The following FAM47E variants were observed in gnomAD, a reference collection of about 807,000 sequenced individuals.
The protein encoded by FAM47E is protein FAM47E.
Under a neutral mutation model 41.6 loss-of-function variants are expected in FAM47E, and 32 were observed. That is an observed-to-expected ratio of 0.77 (90% confidence interval 0.58 to 1.03). The LOEUF (loss-of-function observed/expected upper bound fraction) is 1.03, where lower values mean the gene tolerates loss of function less well. FAM47E is among the 50% of genes least tolerant of loss of function. FAM47E has a pLI of 0.00. For synonymous variants in FAM47E, 184 were observed against 188.7 expected (o/e 0.98, Z 0.20); for missense variants, 424 against 485.4 (o/e 0.87, Z 1.19).
intron 2 of FAM47E, among the ~76,000 whole-genome samples, chr4:76,259,523 T>G (rs561562476): frequency 6.6e-6 from 1 of 152,316 alleles, no homozygotes; most frequent in South Asian, 2.1e-4. Context: ...TCTTTATATA[T>G]TAATGACTGG....
chr4:76,262,756 A>G (rs986528796), intron 2 of FAM47E, among the ~76,000 whole-genome samples: 3 of 152,016 alleles, frequency 2.0e-5, no homozygotes, highest in Admixed American at 2.0e-4. Context: ...GTGTCCCATC[A>G]TGATTGTTTT....
At chr4:76,267,475 A>G (rs1734690156) in intron 3 of FAM47E, 1 of 152,294 alleles carries the variant, frequency 6.6e-6, no homozygotes, top group Non-Finnish European at 1.5e-5. Context: ...GTGGGTCCCA[A>G]AGAACCTGGA....
Position 76,278,142 on chromosome 4 carries a change from A to G in FAM47E, c.944A>G (p.Gln315Arg). 4 of 1,550,984 alleles carry G rather than the reference A, an allele frequency of 2.6e-6. No homozygotes were observed. The highest frequency in any genetic ancestry group is 3.5e-6 in the Non-Finnish European group (4 of 1,146,804). Reference protein sequence around the residue: ...WYLNPKLWKKQRVDEPLVDPE... With the variant: ...WYLNPKLWKKRRVDEPLVDPE... Reference sequence around the variant, plus strand: ...TTGAACCCCAAGTTGTGGAAAAAGCAAAGAGTAGACGAGCCTCTGGTTGAC... The same window carrying G: ...TTGAACCCCAAGTTGTGGAAAAAGCGAAGAGTAGACGAGCCTCTGGTTGAC... Residue 315 changes from glutamine to arginine, a missense_variant, in exon 6 of 8, where the codon CAA becomes CGA. Coordinates refer to ENST00000424749, the MANE Select transcript of FAM47E (RefSeq NM_001136570.3).
chr4:76,231,506 C>T (rs1032995439), intron 2 of FAM47E, among the ~76,000 whole-genome samples: 7 of 147,704 alleles, frequency 4.7e-5, no homozygotes, highest in East Asian at 2.0e-4. Context: ...ATTTCTCACT[C>T]GCCAGTCCTC....
chr4:76,229,796 T>C (rs1241799922), intron 2 of FAM47E, among the ~76,000 whole-genome samples: 1 of 152,246 alleles, frequency 6.6e-6, no homozygotes, highest in Non-Finnish European at 1.5e-5. Context: ...CTTAGTGTGC[T>C]GGCTTTCTTG....
chr4:76,263,341 T>C (rs894865215), intron 2 of FAM47E, among the ~76,000 whole-genome samples: 1 of 152,224 alleles, frequency 6.6e-6, no homozygotes, highest in Non-Finnish European at 1.5e-5. Context: ...AAGTGTTCTC[T>C]CATTTTTACA....
At chr4:76,219,529 A>G (rs1397484531) in intron 2 of FAM47E, among the ~76,000 whole-genome samples, 2 of 152,154 alleles carry the variant, frequency 1.3e-5, no homozygotes, top group African/African-American at 4.8e-5. Context: ...ACAACACGAG[A>G]GGTCACAGTT....
chr4:76,283,434 T>C lies in FAM47E; in HGVS notation c.1158T>C (p.Thr386=). 6.5e-7 allele frequency: 1 copy of C among 1,546,316 alleles called. No individual in the cohort carries two copies. Residue 386 remains threonine, a synonymous_variant, in exon 8 of 8, where the codon ACT becomes ACC. Coordinates refer to ENST00000424749, the MANE Select transcript of FAM47E (RefSeq NM_001136570.3). ...GKECKRACNK[T]PIKRTQA Reference sequence around the variant, plus strand: ...AATGTAAACGTGCATGTAATAAGACTCCTATAAAACGAACTCAAGCATAGA... The same window carrying C: ...AATGTAAACGTGCATGTAATAAGACCCCTATAAAACGAACTCAAGCATAGA...
At chr4:76,271,478 C>G in intron 4 of FAM47E, 90 bp from the exon 5 acceptor site, 2 of 1,450,650 alleles carry the variant, frequency 1.4e-6, no homozygotes, top group South Asian at 2.6e-5. Context: ...CAAACTACCT[C>G]TTTCCTCAGC....
chr4:76,214,057 G>A (rs1227314884), exon 1 of FAM47E: 2 of 341,246 alleles, frequency 5.9e-6, no homozygotes, highest in Non-Finnish European at 1.2e-5. Flanking sequence ...TGCACCGCAG[G>A]CCCAGCGCTC....
chr4:76,233,180 T>C (rs1344322764), intron 2 of FAM47E, among the ~76,000 whole-genome samples: 1 of 152,240 alleles, frequency 6.6e-6, no homozygotes, highest in Non-Finnish European at 1.5e-5. Flanking sequence ...CTAGAATTTT[T>C]AACGTTAATT....
intron 2 of FAM47E, among the ~76,000 whole-genome samples, chr4:76,263,387 C>T (rs569501793): frequency 1.3e-5 from 2 of 152,054 alleles, no homozygotes; most frequent in South Asian, 4.2e-4. Flanking sequence ...AATTTAAGTG[C>T]CTTTAAAATA....
chr4:76,255,073 C>A (rs905146249), intron 1 of FAM47E, among the ~76,000 whole-genome samples: 2 of 152,084 alleles, frequency 1.3e-5, no homozygotes, highest in African/African-American at 4.8e-5. Flanking sequence ...GATAAGTGGA[C>A]CCACTTTTCA....
chr4:76,217,651 A>G (rs562623143), exon 2 of FAM47E: 19 of 654,686 alleles, frequency 2.9e-5, no homozygotes, highest in Middle Eastern at 2.4e-4. Flanking sequence ...CTGCAGAACC[A>G]TGAGCCAAAT....
At chr4:76,218,771 T>C (rs75900515) in intron 2 of FAM47E, among the ~76,000 whole-genome samples, 4,908 of 152,244 alleles carry the variant, frequency 0.032, 265 homozygotes, top group African/African-American at 0.11. Context: ...GTCTAACTAA[T>C]AGAATGTGTG....
intron 3 of FAM47E, among the ~76,000 whole-genome samples, chr4:76,265,099 A>T (rs62300778): frequency 0.027 from 4,086 of 152,264 alleles, 81 homozygotes; most frequent in Middle Eastern, 0.088. Context: ...GCATTACATT[A>T]TATATGTTTT....
At chr4:76,233,192 A>C (rs1012479944) in intron 2 of FAM47E, among the ~76,000 whole-genome samples, 2 of 152,232 alleles carry the variant, frequency 1.3e-5, no homozygotes, top group Non-Finnish European at 2.9e-5. Context: ...ACGTTAATTT[A>C]AAACCTGGTA....
intron 2 of FAM47E, chr4:76,236,160 C>G (rs1272514360): frequency 1.3e-5 from 2 of 152,062 alleles, no homozygotes; most frequent in Non-Finnish European, 2.9e-5. Flanking sequence ...ACCTGTCAAA[C>G]TGGTTATTCA....
chr4:76,276,918 G>A (rs536059057), intron 5 of FAM47E, among the ~76,000 whole-genome samples: 6 of 152,274 alleles, frequency 3.9e-5, no homozygotes, highest in Middle Eastern at 3.4e-3. Context: ...TTCTTGGAGC[G>A]TATCTGGCTC....
Sources: allele counts gnomAD v4.1 joint callset (sites outside exome capture counted in the v4.1 genomes callset), GRCh38; gene constraint gnomAD v4.1.1; transcripts MANE v1.5; gene names NCBI Gene and HGNC (gene_info 2026-07-23, HGNC 2026-07-21).